ACAD11: variants seen among roughly 807,000 people sequenced by gnomAD.
ACAD11 encodes acyl-CoA dehydrogenase family member 11.
Under a neutral mutation model 102.2 loss-of-function variants are expected in ACAD11, and 83 were observed. The observed-to-expected ratio is 0.81, with a 90% CI of 0.68 to 0.97. The LOEUF (loss-of-function observed/expected upper bound fraction) is 0.97. Among genes scored for constraint, ACAD11 ranks in the 50% least tolerant of loss-of-function variants. The pLI is 0.00. For missense variants in ACAD11, 901 were observed against 951.7 expected (o/e 0.95, Z 0.70); for synonymous variants, 324 against 319.8 (o/e 1.01, Z -0.14).
chr3:132,619,339 T>C, intron 10 of ACAD11, 129 bp downstream of exon 10: 1 of 560,672 alleles, frequency 1.8e-6, no homozygotes, highest in South Asian at 3.1e-5. Context: ...TTTATTAACT[T>C]TCTTTTTTTA....
intron 9 of ACAD11, among the ~76,000 whole-genome samples, chr3:132,624,739 T>C (rs1283906596): frequency 6.6e-6 from 1 of 151,610 alleles, no homozygotes; most frequent in South Asian, 2.1e-4. Context: ...CAGGCTGGAG[T>C]GCAGTGGCGC....
chr3:132,581,669 T>C (rs1233616523), intron 13 of ACAD11, among the ~76,000 whole-genome samples: 1 of 151,998 alleles, frequency 6.6e-6, no homozygotes, highest in Non-Finnish European at 1.5e-5. Flanking sequence ...AATGTTGAAA[T>C]GCACAAGTGA....
chr3:132,641,695 AGAG>A (rs200384854), intron 4 of ACAD11, among the ~76,000 whole-genome samples: 3,753 of 124,330 alleles, frequency 0.03, 67 homozygotes, highest in Non-Finnish European at 0.038. Context: ...AGGAAGAGGA[AGAG>A]GAAGAAGAAG....
intron 14 of ACAD11, 161 bp downstream of exon 14, chr3:132,579,331 C>T: frequency 3.0e-6 from 2 of 668,700 alleles, no homozygotes; most frequent in Non-Finnish European, 2.5e-6. Context: ...TCCAAAAACA[C>T]CTGTTAGAAA....
intron 13 of ACAD11, among the ~76,000 whole-genome samples, chr3:132,586,875 C>T (rs1458257390): frequency 6.6e-6 from 1 of 152,136 alleles, no homozygotes; most frequent in Non-Finnish European, 1.5e-5. Flanking sequence ...GGCGGATCAC[C>T]TGAGGCCAGG....
Position 132,584,003 on chromosome 3 carries a change from T to A in ACAD11, c.1622-4445A>T, listed in dbSNP as rs180834083. Among the ~76,000 whole-genome samples, 683 of 152,290 alleles carry A rather than the reference T, an allele frequency of 4.5e-3. 4 individuals carry two copies. The highest frequency in any genetic ancestry group is 0.016 in the African/African-American group (665 of 41,564). On this transcript the variant is annotated intron_variant, in intron 13 of 19. Coordinates refer to ENST00000264990, the MANE Select transcript of ACAD11 (RefSeq NM_032169.5). ...ACTATGTGGTCAATTTTGGAATAGG[T>A]GTGGTGTGGTGCTGAAAAGAATGTA...
At chr3:132,621,983 A>AT (rs1939626976) in intron 9 of ACAD11, among the ~76,000 whole-genome samples, 1 of 151,306 alleles carries the variant, frequency 6.6e-6, no homozygotes, top group African/African-American at 2.4e-5. Context: ...TGTCTCAAAA[A>AT]AAAAAAAAAA....
chr3:132,617,326 C>T (rs1267912922), intron 11 of ACAD11, among the ~76,000 whole-genome samples: 2 of 152,110 alleles, frequency 1.3e-5, no homozygotes, highest in African/African-American at 4.8e-5. Flanking sequence ...TTCTGCAAAT[C>T]CAGTTTTGAA....
At chr3:132,576,510 T>A (rs1937526574) in intron 16 of ACAD11, among the ~76,000 whole-genome samples, 1 of 152,224 alleles carries the variant, frequency 6.6e-6, no homozygotes, top group South Asian at 2.1e-4. Context: ...ATTCATAAAG[T>A]ACTGAGGTTT....
chr3:132,599,577 T>C (rs1264739316), intron 13 of ACAD11, among the ~76,000 whole-genome samples: 1 of 152,018 alleles, frequency 6.6e-6, no homozygotes, highest in Admixed American at 6.6e-5. Context: ...ACATAATAGC[T>C]GAATTGTGCA....
In ACAD11 at chr3:132,561,215, C is replaced by A. The variant is rs748253874; in HGVS notation, c.2004G>T (p.Glu668Asp). 6.2e-7 allele frequency: 1 copy of A among 1,611,856 alleles called. No individual in the cohort carries two copies. The highest frequency in any genetic ancestry group is 1.3e-5 in the African/African-American group (1 of 74,876). ...IAFKKKLYAH[E>D]VVAHWIAESR... ...TTTCAGCAATCCAGTGAGCCACAAC[C>A]TCCTATAGGGGAGGAAAAGGCAGCA... The change falls in exon 18 of 20, where the codon GAG becomes GAT. Residue 668 changes from glutamate to aspartate, a missense_variant and splice_region_variant. Transcript: ENST00000264990.
In ACAD11 at chr3:132,560,988, G is replaced by A. The variant is rs553350101; in HGVS notation, c.2118+113C>T. 9.2e-6 allele frequency: 7 copies of A among 762,262 alleles called. No individual in the cohort carries two copies. In the East Asian group the frequency reaches 1.5e-4, roughly 17 times the overall value. The allele number at this position is 762,262 out of a possible 1,614,324, so 47.2% of individuals were successfully genotyped here. A position where few individuals can be genotyped will look rare whatever the true frequency, so the allele number is the denominator to read the frequency against. On this transcript the variant is annotated intron_variant, in intron 18 of 19. Coordinates refer to ENST00000264990, the MANE Select transcript of ACAD11 (RefSeq NM_032169.5). Reference sequence around the variant, plus strand: ...ATTTATAACCCAAAATCACATGGGGGCTTCCAATATTCTGAGTGCCATCAA... The same window carrying A: ...ATTTATAACCCAAAATCACATGGGGACTTCCAATATTCTGAGTGCCATCAA...
Position 132,599,505 on chromosome 3 carries a change from C to CA in ACAD11, c.1621+3723dup, listed in dbSNP as rs549838482. Among the ~76,000 whole-genome samples the CA allele has an allele frequency of 6.8e-3, 967 of 142,328 alleles. 7 individuals carry two copies. Among genetic ancestry groups the CA allele is most frequent in the African/African-American group, 0.024 (917 of 38,734 alleles). The allele number at this position is 142,328 out of a possible 152,430, so 93.4% of individuals were successfully genotyped here. A position where few individuals can be genotyped will look rare whatever the true frequency, so the allele number is the denominator to read the frequency against. ...TGGGCAACAGAATGAGACTCCATCT[C>CA]AAAAAAAAAATTAAATATTAAATAT... On this transcript the variant is annotated intron_variant, in intron 13 of 19. Coordinates refer to ENST00000264990, the MANE Select transcript of ACAD11 (RefSeq NM_032169.5).
At chr3:132,642,946 C>T (rs1364308014) in intron 2 of ACAD11, 144 bp from the exon 3 acceptor site, 1 of 746,932 alleles carries the variant, frequency 1.3e-6, no homozygotes. Flanking sequence ...ATAGTAATAA[C>T]TTCCCTAATA....
At chr3:132,620,538 A>C (rs1300389645) in intron 9 of ACAD11, 1 of 152,228 alleles carries the variant, frequency 6.6e-6, no homozygotes, top group Non-Finnish European at 1.5e-5. Context: ...AAAAACAATC[A>C]TTCACCAAGA....
At chr3:132,642,610 T>C (rs1940566650) in intron 3 of ACAD11, 67 bp downstream of exon 3, 8 of 1,455,370 alleles carry the variant, frequency 5.5e-6, no homozygotes, top group Non-Finnish European at 7.5e-6. Context: ...AGTATCATAA[T>C]AAAACATCTT....
At chr3:132,629,876 TTACAATG>T (rs1457055315) in intron 7 of ACAD11, among the ~76,000 whole-genome samples, 1 of 150,718 alleles carries the variant, frequency 6.6e-6, no homozygotes, top group Admixed American at 6.6e-5. Flanking sequence ...TTTGTTTAGA[TTACAATG>T]TAATTAGAAA....
rs1310230244 is a variant in ACAD11, at chr3:132,612,466, A to C, written c.1414+6168T>G. ...CTACAGAATGGGAGAAAATTATTGCAACCTACTCATCTGACAAAGGGCTAA... is the reference window on the plus strand; with the variant it reads ...CTACAGAATGGGAGAAAATTATTGCCACCTACTCATCTGACAAAGGGCTAA... On this transcript the variant is annotated intron_variant, in intron 11 of 19. Coordinates refer to ENST00000264990, the MANE Select transcript of ACAD11 (RefSeq NM_032169.5). 3.9e-3 allele frequency among the ~76,000 whole-genome samples: 591 copies of C among 152,084 alleles called. 4 individuals carry two copies. Among genetic ancestry groups the C allele is most frequent in the Non-Finnish European group, 4.9e-3 (333 of 67,970 alleles).
At chr3:132,601,801 A>G in intron 13 of ACAD11, 2 of 357,400 alleles carry the variant, frequency 5.6e-6, no homozygotes, top group Non-Finnish European at 1.1e-5. Flanking sequence ...AACTATATAC[A>G]CACATTGTAC....
Sources: allele counts gnomAD v4.1 joint callset (sites outside exome capture counted in the v4.1 genomes callset), GRCh38; gene constraint gnomAD v4.1.1; transcripts MANE v1.5; gene names NCBI Gene and HGNC (gene_info 2026-07-23, HGNC 2026-07-21).